The following CSMD1 variants were observed in gnomAD, a reference collection of about 807,000 sequenced individuals.
The protein encoded by CSMD1 is CUB and Sushi multiple domains 1.
CSMD1 carries 213 observed loss-of-function variants against 417.5 expected under a neutral mutation model. The ratio of observed to expected loss-of-function variants is 0.51; its 90% CI spans 0.46 to 0.57. The LOEUF (loss-of-function observed/expected upper bound fraction) is 0.57. Ranked by LOEUF, CSMD1 falls within the 20% of genes least tolerant of loss-of-function variation. The pLI is 0.00. For missense variants in CSMD1, 6,923 were observed against 4,529.7 expected, an observed-to-expected ratio of 1.53 and a Z score of -15.17; for synonymous variants, 2,862 against 1,736.8, an observed-to-expected ratio of 1.65 and a Z score of -16.11.
intron 41 of CSMD1, among the ~76,000 whole-genome samples, chr8:3,133,504 T>C (rs933229432): frequency 1.1e-4 from 17 of 152,272 alleles, no homozygotes; most frequent in African/African-American, 3.8e-4. Flanking sequence ...ATCCTGTTAC[T>C]GTTACACTGG....
intron 24 of CSMD1, among the ~76,000 whole-genome samples, 200 bp downstream of exon 24, chr8:3,308,112 T>A (rs923031664): frequency 1.3e-5 from 2 of 152,012 alleles, no homozygotes; most frequent in African/African-American, 2.4e-5. Flanking sequence ...ATAGTCTCCA[T>A]AACAGAATAC....
intron 3 of CSMD1, among the ~76,000 whole-genome samples, chr8:4,163,523 T>C (rs1364439418): frequency 2.0e-5 from 3 of 152,198 alleles, no homozygotes; most frequent in African/African-American, 7.2e-5. Context: ...TTTTGTGAAA[T>C]ATTTAATATT....
At chr8:3,652,311 C>T (rs35347217) in intron 7 of CSMD1, among the ~76,000 whole-genome samples, 24 of 151,926 alleles carry the variant, frequency 1.6e-4, no homozygotes, top group African/African-American at 5.8e-4. Context: ...CATGCTTAAC[C>T]ACCATCGGAG....
intron 3 of CSMD1, among the ~76,000 whole-genome samples, chr8:4,331,256 G>A (rs1375866610): frequency 7.9e-5 from 12 of 152,128 alleles, no homozygotes; most frequent in Non-Finnish European, 2.9e-5. Flanking sequence ...TCAGAGAGAA[G>A]CCAGGGAACT....
At chr8:3,169,206 C>T (rs1820430421) in intron 37 of CSMD1, among the ~76,000 whole-genome samples, 1 of 152,124 alleles carries the variant, frequency 6.6e-6, no homozygotes, top group South Asian at 2.1e-4. Flanking sequence ...TTACAGACTC[C>T]ACCCCAAACA....
chr8:2,944,252 C>T (rs887187716), intron 68 of CSMD1, among the ~76,000 whole-genome samples: 1 of 152,132 alleles, frequency 6.6e-6, no homozygotes. Context: ...GTATTGGAAG[C>T]GAGGGACGCA....
intron 5 of CSMD1, among the ~76,000 whole-genome samples, chr8:3,771,821 G>A (rs914261419): frequency 6.6e-6 from 1 of 152,074 alleles, no homozygotes; most frequent in East Asian, 1.9e-4. Context: ...GAGGCAGAAT[G>A]ATCCGTTCAA....
intron 3 of CSMD1, among the ~76,000 whole-genome samples, chr8:4,386,842 C>G (rs1293303395): frequency 6.6e-6 from 1 of 152,082 alleles, no homozygotes; most frequent in African/African-American, 2.4e-5. Context: ...GAAATAAGAC[C>G]ACAGCAGCAA....
chr8:3,263,133 T>C (rs1274537301), intron 26 of CSMD1, among the ~76,000 whole-genome samples: 2 of 152,158 alleles, frequency 1.3e-5, no homozygotes, highest in Non-Finnish European at 2.9e-5. Flanking sequence ...GAGTTTCACT[T>C]TGTTGTCCAG....
At position 4,854,217 on chromosome 8, in the gene CSMD1, G is replaced by C. The variant is rs549600478; in HGVS notation, c.85+140115C>G. Among the ~76,000 whole-genome samples, 4 of 152,268 alleles carry C rather than the reference G, an allele frequency of 2.6e-5. No individual in the cohort carries two copies. In the East Asian group the frequency reaches 7.8e-4, roughly 30 times the overall value. ...AGATTTGGGGATGCAGGAGTGGAAAGATATGATTTGGGTATTTGCTCTCTA... is the reference window on the plus strand; with the variant it reads ...AGATTTGGGGATGCAGGAGTGGAAACATATGATTTGGGTATTTGCTCTCTA... On this transcript the variant is annotated intron_variant, in intron 1 of 69. Coordinates refer to ENST00000635120, the MANE Select transcript of CSMD1 (RefSeq NM_033225.6).
At chr8:4,265,445 A>C (rs75190647) in intron 3 of CSMD1, among the ~76,000 whole-genome samples, 6,526 of 53,838 alleles carry the variant, frequency 0.12, 1,386 homozygotes, top group African/African-American at 0.2. Flanking sequence ...GTGTCCTCTA[A>C]CTTAATTTGA....
At chr8:4,857,850 T>C (rs1316454145) in intron 1 of CSMD1, among the ~76,000 whole-genome samples, 1 of 151,894 alleles carries the variant, frequency 6.6e-6, no homozygotes, top group Admixed American at 6.6e-5. Context: ...GAGGAACTGG[T>C]ACCATTCCTT....
chr8:2,955,215 C>A (rs1381008879), intron 64 of CSMD1, among the ~76,000 whole-genome samples: 2 of 152,092 alleles, frequency 1.3e-5, no homozygotes, highest in Non-Finnish European at 2.9e-5. Context: ...ACTTGGTGAC[C>A]TTTATTCATT....
intron 5 of CSMD1, among the ~76,000 whole-genome samples, chr8:3,819,906 G>A (rs184302118): frequency 2.4e-4 from 36 of 152,214 alleles, no homozygotes; most frequent in Admixed American, 2.1e-3. Context: ...TATAATAGAG[G>A]CAGACTGGAC....
chr8:3,336,995 G>A (rs1008777879), intron 23 of CSMD1, among the ~76,000 whole-genome samples: 10 of 152,192 alleles, frequency 6.6e-5, no homozygotes, highest in African/African-American at 2.2e-4. Flanking sequence ...AAATTAGACA[G>A]GAGCTGTGCC....
At chr8:4,193,558 G>A (rs552636859) in intron 3 of CSMD1, among the ~76,000 whole-genome samples, 1 of 152,228 alleles carries the variant, frequency 6.6e-6, no homozygotes, top group Non-Finnish European at 1.5e-5. Flanking sequence ...ACAAGAGGCT[G>A]TGGGAAAACA....
At chr8:3,345,833 G>C (rs1313995738) in intron 22 of CSMD1, among the ~76,000 whole-genome samples, 1 of 152,154 alleles carries the variant, frequency 6.6e-6, no homozygotes, top group Non-Finnish European at 1.5e-5. Context: ...ATCTTTCCCA[G>C]TTTTACAGAA....
intron 3 of CSMD1, among the ~76,000 whole-genome samples, chr8:4,156,355 A>G (rs1361952330): frequency 1.3e-5 from 2 of 152,280 alleles, no homozygotes; most frequent in African/African-American, 4.8e-5. Context: ...TCTGGTTTTG[A>G]TAAAACTTAA....
chr8:3,258,636 G>A (rs185407367), intron 26 of CSMD1, among the ~76,000 whole-genome samples: 5 of 152,298 alleles, frequency 3.3e-5, no homozygotes, highest in Non-Finnish European at 5.9e-5. Context: ...AAAGACACAT[G>A]CATGCATATG....
Sources: allele counts gnomAD v4.1 joint callset (sites outside exome capture counted in the v4.1 genomes callset), GRCh38; gene constraint gnomAD v4.1.1; transcripts MANE v1.5; gene names NCBI Gene and HGNC (gene_info 2026-07-23, HGNC 2026-07-21).